The following DEAF1 variants were observed in gnomAD, a reference collection of about 807,000 sequenced individuals.
The protein encoded by DEAF1 is DEAF1 transcription factor, also known as deformed epidermal autoregulatory factor 1 homolog.
DEAF1 carries 53 observed loss-of-function variants against 58.9 expected under a neutral mutation model. The observed-to-expected ratio is 0.90, with a 90% CI of 0.72 to 1.13. The LOEUF is 1.13. Ranked by LOEUF, DEAF1 falls within the 50% of genes most tolerant of loss-of-function variation. DEAF1 has a pLI of 0.00. For missense variants in DEAF1, 685 were observed against 791.4 expected, an observed-to-expected ratio of 0.87 and a Z score of 1.61; for synonymous variants, 385 against 340.4, an observed-to-expected ratio of 1.13 and a Z score of -1.44.
At chr11:656,571 A>AGGACCCTGGTCCAGCCC in intron 10 of DEAF1, among the ~76,000 whole-genome samples, 1 of 152,360 alleles carries the variant, frequency 6.6e-6, no homozygotes, top group South Asian at 2.1e-4. Context: ...CGGGCCAGGC[A>AGGACCCTGGTCCAGCCC]GGACCCTGGT....
intron 10 of DEAF1, among the ~76,000 whole-genome samples, chr11:662,694 A>C (rs1318767268): frequency 6.6e-6 from 1 of 152,112 alleles, no homozygotes; most frequent in East Asian, 1.9e-4. Context: ...CTCCACATCT[A>C]ATTCAGAACC....
chr11:679,330 T>A (rs1325329088), intron 8 of DEAF1, among the ~76,000 whole-genome samples: 1 of 141,310 alleles, frequency 7.1e-6, no homozygotes, highest in East Asian at 2.0e-4. Context: ...AAAAAAAAAA[T>A]CAGTTCTAAC....
upstream of DEAF1, among the ~76,000 whole-genome samples, chr11:698,233 G>A (rs1861286995): frequency 6.6e-6 from 1 of 151,818 alleles, no homozygotes; most frequent in Non-Finnish European, 1.5e-5. Context: ...GGCGTCTTCA[G>A]ATGCAAAACC....
intron 9 of DEAF1, among the ~76,000 whole-genome samples, chr11:677,977 A>C (rs1307283012): frequency 6.8e-6 from 1 of 147,830 alleles, no homozygotes; most frequent in Non-Finnish European, 1.5e-5. Context: ...AAAAAAACAA[A>C]AAACGTATAA....
intron 10 of DEAF1, among the ~76,000 whole-genome samples, chr11:655,927 G>T (rs1169573295): frequency 6.6e-6 from 1 of 151,934 alleles, no homozygotes; most frequent in Non-Finnish European, 1.5e-5. Context: ...CCACCTCCTG[G>T]GTTTAAGTGA....
intron 10 of DEAF1, among the ~76,000 whole-genome samples, chr11:660,570 G>A (rs924318318): frequency 6.6e-6 from 1 of 152,218 alleles, no homozygotes; most frequent in African/African-American, 2.4e-5. Flanking sequence ...GCTGCTGGGG[G>A]GTGCTCTGAA....
intron 10 of DEAF1, among the ~76,000 whole-genome samples, chr11:662,277 C>T (rs1366568416): frequency 6.6e-6 from 1 of 152,084 alleles, no homozygotes; most frequent in Non-Finnish European, 1.5e-5. Flanking sequence ...AGCAAGATTC[C>T]GTCTCATAAA....
Position 694,962 on chromosome 11 carries a change from G to T in DEAF1, c.86C>A (p.Ala29Asp). Residue 29 changes from alanine to aspartate, a missense_variant, in exon 1 of 12, where the codon GCC becomes GAC. Ala to Asp is a moderately radical substitution (Grantham distance 126). Around this residue, in one of 3 missense-constraint regions of DEAF1, gnomAD observed 210 missense variants for 177.3 expected, o/e 1.18. Transcript: ENST00000382409. ...CGCCTCGCCTCCTGCCGCGGCCGCG[G>T]CCGCCGCCGCCACAGCGGCCGCGGC... ...VAAAAAVAAA[A>D]AAAAGGEAEE... 2 of 1,089,694 alleles carry T rather than the reference G, an allele frequency of 1.8e-6. No individual in the cohort carries two copies. The highest frequency in any genetic ancestry group is 2.2e-6 in the Non-Finnish European group (2 of 893,600). The allele number at this position is 1,089,694 out of a possible 1,614,324, so 67.5% of individuals were successfully genotyped here. A position where few individuals can be genotyped will look rare whatever the true frequency, so the allele number is the denominator to read the frequency against.
chr11:669,587 G>C (rs958890379), intron 10 of DEAF1, among the ~76,000 whole-genome samples: 2 of 151,548 alleles, frequency 1.3e-5, no homozygotes, highest in African/African-American at 4.9e-5. Flanking sequence ...GGCGAGCCGA[G>C]ATTGTGCCAT....
rs555612225 is a variant in DEAF1, at chr11:701,610, C to T, written c.-438+4962G>A. Among the ~76,000 whole-genome samples the T allele has an allele frequency of 2.6e-3, 402 of 152,050 alleles. 1 individual carries two copies. Among genetic ancestry groups the T allele is most frequent in the Non-Finnish European group, 4.0e-3 (273 of 67,974 alleles). On this transcript the variant is annotated intron_variant, in intron 1 of 11. Transcript: ENST00000683307. ...ATTTTTAGTAGAGATGGGGTTTCAC[C>T]ATGTTAGCCAGGATGGTTTCCATCT...
Position 678,796 on chromosome 11 carries a change from A to C in DEAF1, c.1153T>G (p.Cys385Gly), listed in dbSNP as rs372788390. Residue 385 changes from cysteine to glycine, a missense_variant, in exon 9 of 12, where the codon TGC becomes GGC. Coordinates refer to ENST00000382409, the MANE Select transcript of DEAF1 (RefSeq NM_021008.4). ...TVQEASVQPP[C>G]RASHPEPHYP... ...TGAGGCTCAGGGTGGCTGGCCCTGC[A>C]TGGGGGCTGCACGCTGGCCTCTTGG... 3 of 1,613,994 alleles carry C rather than the reference A, an allele frequency of 1.9e-6. No individual in the cohort carries two copies. Among genetic ancestry groups the C allele is most frequent in the African/African-American group, 1.3e-5 (1 of 74,940 alleles).
chr11:662,650 C>CG (rs1290055722), intron 10 of DEAF1, among the ~76,000 whole-genome samples: 1 of 152,168 alleles, frequency 6.6e-6, no homozygotes, highest in African/African-American at 2.4e-5. Context: ...CCCGAGCCCT[C>CG]GTAAGATACC....
intron 10 of DEAF1, among the ~76,000 whole-genome samples, chr11:658,524 A>G (rs1859171759): frequency 6.6e-6 from 1 of 152,266 alleles, no homozygotes; most frequent in Non-Finnish European, 1.5e-5. Flanking sequence ...AGCCAAGGAC[A>G]TCGACAAGTC....
intron 1 of DEAF1, chr11:700,306 C>A: frequency 2.2e-6 from 3 of 1,370,828 alleles, no homozygotes; most frequent in Non-Finnish European, 3.1e-6. Context: ...GTGGGCGGAT[C>A]ACTTGAGGTC....
At chr11:695,633 C>T, upstream of DEAF1, 1 of 1,245,070 alleles carries the variant, frequency 8.0e-7, no homozygotes, top group Non-Finnish European at 1.0e-6. Flanking sequence ...CGGTTCTCCA[C>T]CTCTTCCCTT....
intron 10 of DEAF1, among the ~76,000 whole-genome samples, chr11:656,135 G>A (rs906832228): frequency 1.4e-5 from 2 of 141,686 alleles, no homozygotes; most frequent in African/African-American, 5.4e-5. Flanking sequence ...CGCCTGGCCT[G>A]TGCCTCTACT....
At chr11:666,873 C>CAAAAAAAAAA (rs532628897) in intron 10 of DEAF1, among the ~76,000 whole-genome samples, 12 of 60,240 alleles carry the variant, frequency 2.0e-4, no homozygotes, top group East Asian at 5.0e-4. Context: ...ACTCTGTCTC[C>CAAAAAAAAAA]AAAAAAAAAA....
intron 11 of DEAF1, among the ~76,000 whole-genome samples, chr11:650,032 A>AACAAAG (rs933935866): frequency 3.5e-5 from 2 of 57,012 alleles, no homozygotes; most frequent in African/African-American, 8.9e-5. Context: ...AAAAAACAAA[A>AACAAAG]ACAAAAACAA....
At chr11:706,578 C>G (rs975200131) in exon 1 of DEAF1, 2 of 152,496 alleles carry the variant, frequency 1.3e-5, no homozygotes, top group Non-Finnish European at 2.9e-5. Flanking sequence ...TCACCTGCCC[C>G]GTCCTGCCCA....
Sources: gnomAD v4.1 joint callset for allele counts (sites outside exome capture counted in the v4.1 genomes callset) on GRCh38, gnomAD v4.1.1 for gene constraint, gnomAD v4.1.1 regional missense constraint, MANE v1.5 for transcripts, NCBI Gene and HGNC (gene_info 2026-07-23, HGNC 2026-07-21) for gene names.